Variants in GRIA4 observed in about 807,000 individuals in gnomAD.
The protein encoded by GRIA4 is glutamate ionotropic receptor AMPA type subunit 4, also known as glutamate receptor 4.
GRIA4 carries 34 observed loss-of-function variants against 104.0 expected under a neutral mutation model. That is an observed-to-expected ratio of 0.33 (90% CI 0.25 to 0.44). GRIA4 has a LOEUF of 0.44. Among genes scored for constraint, GRIA4 ranks in the 20% least tolerant of loss-of-function variants. The probability of loss-of-function intolerance (pLI) is 1.00; values close to 1 mark genes in which losing one functional copy is unlikely to be tolerated. For missense variants in GRIA4, 750 were observed against 1,096.5 expected (o/e 0.68, Z 4.46); for synonymous variants, 386 against 381.9 (o/e 1.01, Z -0.13).
intron 3 of GRIA4, among the ~76,000 whole-genome samples, chr11:105,724,361 A>G (rs1318997669): frequency 6.8e-6 from 1 of 147,084 alleles, no homozygotes; most frequent in Admixed American, 7.0e-5. Flanking sequence ...AGATGGATAC[A>G]CACACACCAT....
At chr11:105,968,660 A>C (rs1858520349) in intron 14 of GRIA4, among the ~76,000 whole-genome samples, 1 of 152,166 alleles carries the variant, frequency 6.6e-6, no homozygotes, top group South Asian at 2.1e-4. Flanking sequence ...TCATTTGAAA[A>C]CTTGATCCTT....
chr11:105,945,297 C>A (rs1194570563), intron 14 of GRIA4, among the ~76,000 whole-genome samples: 1 of 152,190 alleles, frequency 6.6e-6, no homozygotes, highest in African/African-American at 2.4e-5. Context: ...TCCCCTTTGG[C>A]TTAATTCTTA....
chr11:105,640,532 C>G (rs985575381), intron 3 of GRIA4, among the ~76,000 whole-genome samples: 1 of 151,422 alleles, frequency 6.6e-6, no homozygotes, highest in East Asian at 1.9e-4. Context: ...AGGCATTTTC[C>G]CATTGGATAT....
At chr11:105,742,604 A>ATGTG (rs5794424) in intron 3 of GRIA4, among the ~76,000 whole-genome samples, 67,411 of 151,050 alleles carry the variant, frequency 0.45, 15,372 homozygotes, top group Middle Eastern at 0.52. Context: ...ATATATATAT[A>ATGTG]TGTGTGTGTG....
chr11:105,633,964 G>C (rs751608914), intron 3 of GRIA4, among the ~76,000 whole-genome samples: 4 of 152,106 alleles, frequency 2.6e-5, no homozygotes, highest in Non-Finnish European at 5.9e-5. Flanking sequence ...AAGACATTAG[G>C]CGGGTTACTC....
Position 105,817,243 on chromosome 11 carries a change from TACTC to T in GRIA4, c.488-44779_488-44776del, listed in dbSNP as rs372370629. Among the ~76,000 whole-genome samples, 334 of 151,448 alleles carry T rather than the reference TACTC, an allele frequency of 2.2e-3. 1 individual carries two copies. Among genetic ancestry groups the T allele is most frequent in the African/African-American group, 7.6e-3 (313 of 41,224 alleles). On this transcript the variant is annotated intron_variant, in intron 4 of 16. Transcript: ENST00000282499. Reference sequence around the variant, plus strand: ...GGTAAATCATCATTTTTCTCAAACTTACTCAGTGAAATAGTAGTGAATTATCACA... The same window carrying T: ...GGTAAATCATCATTTTTCTCAAACTTAGTGAAATAGTAGTGAATTATCACA...
chr11:105,914,117 C>A (rs1397456654), intron 10 of GRIA4, among the ~76,000 whole-genome samples: 3 of 151,602 alleles, frequency 2.0e-5, no homozygotes, highest in Non-Finnish European at 4.4e-5. Context: ...CTTCCTTATA[C>A]AAAATATTAA....
intron 3 of GRIA4, among the ~76,000 whole-genome samples, chr11:105,715,220 C>T (rs1211750569): frequency 6.6e-6 from 1 of 152,178 alleles, no homozygotes; most frequent in Non-Finnish European, 1.5e-5. Flanking sequence ...TCAAAAGATG[C>T]TGTAACCATA....
At chr11:105,689,711 A>G (rs1953017922) in intron 3 of GRIA4, among the ~76,000 whole-genome samples, 1 of 151,442 alleles carries the variant, frequency 6.6e-6, no homozygotes, top group Non-Finnish European at 1.5e-5. Context: ...TCTGATTAAA[A>G]CTCCTGGTGT....
chr11:105,675,621 T>G (rs1038440108), intron 3 of GRIA4, among the ~76,000 whole-genome samples: 3 of 151,818 alleles, frequency 2.0e-5, no homozygotes, highest in African/African-American at 4.8e-5. Flanking sequence ...ACAGAAATCA[T>G]GAAACATTGG....
chr11:105,830,243 A>G (rs1227342640), intron 4 of GRIA4, among the ~76,000 whole-genome samples: 1 of 151,980 alleles, frequency 6.6e-6, no homozygotes, highest in Non-Finnish European at 1.5e-5. Context: ...TTATTGATGG[A>G]ATAAAATAGG....
chr11:105,778,360 A>G (rs1209709192), intron 4 of GRIA4, among the ~76,000 whole-genome samples: 1 of 152,224 alleles, frequency 6.6e-6, no homozygotes, highest in African/African-American at 2.4e-5. Context: ...CAGATCCTTG[A>G]TGATTGCTTT....
At chr11:105,843,223 T>G (rs575015943) in intron 4 of GRIA4, among the ~76,000 whole-genome samples, 15 of 152,330 alleles carry the variant, frequency 9.8e-5, no homozygotes, top group Non-Finnish European at 4.4e-5. Flanking sequence ...GTCACTATGA[T>G]TCCTCCCAGC....
intron 3 of GRIA4, among the ~76,000 whole-genome samples, chr11:105,696,196 T>C (rs772631608): frequency 1.3e-5 from 2 of 152,192 alleles, no homozygotes; most frequent in Non-Finnish European, 2.9e-5. Flanking sequence ...TTACTTCCTC[T>C]TTCAAGCTTC....
At chr11:105,800,764 T>G (rs1017561572) in intron 4 of GRIA4, among the ~76,000 whole-genome samples, 3 of 127,782 alleles carry the variant, frequency 2.3e-5, no homozygotes, top group African/African-American at 9.4e-5. Flanking sequence ...ACTAATTTAC[T>G]TCTGCTACAT....
chr11:105,892,741 T>C (rs527557713), intron 6 of GRIA4, among the ~76,000 whole-genome samples: 1 of 152,304 alleles, frequency 6.6e-6, no homozygotes, highest in Admixed American at 6.5e-5. Context: ...CTACCATCTA[T>C]CTACATGCAT....
At chr11:105,732,829 G>A (rs1938684003) in intron 3 of GRIA4, among the ~76,000 whole-genome samples, 1 of 152,180 alleles carries the variant, frequency 6.6e-6, no homozygotes, top group African/African-American at 2.4e-5. Context: ...CAAGACTCAT[G>A]AGGTGGTGAA....
rs1859209262 is a variant in GRIA4 at position 105,980,347 on chromosome 11, T to C, written c.*608T>C. On this transcript the variant is annotated 3_prime_UTR_variant, in exon 17 of 17. Transcript: ENST00000282499. ...TGCTTTTTAACTGACGTAAATTCAG[T>C]AGAGGACAACACAATTCTTTTTTCT... 1 of 152,632 alleles carries C rather than the reference T, an allele frequency of 6.6e-6. No homozygotes were observed. Among genetic ancestry groups the C allele is most frequent in the South Asian group, 2.1e-4 (1 of 4,836 alleles). 9.5% of individuals were successfully genotyped at this position (152,632 alleles called of 1,614,324 possible). A position where few individuals can be genotyped will look rare whatever the true frequency, so the allele number is the denominator to read the frequency against.
chr11:105,877,555 T>C (rs1945877285), intron 5 of GRIA4, among the ~76,000 whole-genome samples: 1 of 152,226 alleles, frequency 6.6e-6, no homozygotes. Flanking sequence ...CAATCAAATG[T>C]AGGTTTGGTC....
Sources: gnomAD v4.1 joint callset for allele counts (sites outside exome capture counted in the v4.1 genomes callset) on GRCh38, gnomAD v4.1.1 for gene constraint, MANE v1.5 for transcripts, NCBI Gene and HGNC (gene_info 2026-07-23, HGNC 2026-07-21) for gene names.